Variants in ZMAT4 observed in about 807,000 individuals in gnomAD.
ZMAT4 encodes zinc finger matrin-type 4, also known as zinc finger matrin-type protein 4.
In ZMAT4, 17 loss-of-function variants were observed where a neutral mutation model predicts 28.7. The ratio of observed to expected loss-of-function variants is 0.59; its 90% CI spans 0.41 to 0.89. The LOEUF (loss-of-function observed/expected upper bound fraction) is 0.89. Ranked by LOEUF, ZMAT4 falls within the 40% of genes least tolerant of loss-of-function variation. The pLI, the probability that ZMAT4 is intolerant of heterozygous loss-of-function variation, is 0.00. For missense variants in ZMAT4, 240 were observed against 283.8 expected (o/e 0.85, Z 1.11); for synonymous variants, 117 against 109.2 (o/e 1.07, Z -0.44).
chr8:40,674,542 G>T, intron 5 of ZMAT4, 162 bp downstream of exon 5: 1 of 592,740 alleles, frequency 1.7e-6, no homozygotes, highest in Non-Finnish European at 3.0e-6. Flanking sequence ...TTAAACTAAA[G>T]CAAGCCTTCT....
At chr8:40,671,010 G>A (rs1280576111) in intron 5 of ZMAT4, among the ~76,000 whole-genome samples, 2 of 150,816 alleles carry the variant, frequency 1.3e-5, no homozygotes, top group Non-Finnish European at 1.5e-5. Context: ...AGAGGTTGCA[G>A]TGAGCTGAGA....
At chr8:40,895,232 T>C (rs1467376808) in intron 1 of ZMAT4, among the ~76,000 whole-genome samples, 1 of 152,258 alleles carries the variant, frequency 6.6e-6, no homozygotes, top group African/African-American at 2.4e-5. Context: ...TCCAGGGTCC[T>C]GGCCAAAGCC....
chr8:40,806,086 G>A (rs1815074683), intron 2 of ZMAT4, among the ~76,000 whole-genome samples: 1 of 151,972 alleles, frequency 6.6e-6, no homozygotes, highest in Admixed American at 6.6e-5. Flanking sequence ...CTTTATACCT[G>A]GTAAAATACG....
chr8:40,753,089 C>T (rs1240150797), intron 3 of ZMAT4, among the ~76,000 whole-genome samples: 4 of 148,488 alleles, frequency 2.7e-5, no homozygotes, highest in Admixed American at 6.7e-5. Context: ...GTGTGACTTT[C>T]CCCTCCCTGT....
chr8:40,758,928 A>G (rs2150553776), intron 3 of ZMAT4, among the ~76,000 whole-genome samples: 1 of 152,328 alleles, frequency 6.6e-6, no homozygotes, highest in Admixed American at 6.5e-5. Flanking sequence ...GAGAAAAGAA[A>G]CATGCATAAC....
At chr8:40,732,650 C>T (rs911382035) in intron 3 of ZMAT4, among the ~76,000 whole-genome samples, 1 of 152,118 alleles carries the variant, frequency 6.6e-6, no homozygotes, top group African/African-American at 2.4e-5. Flanking sequence ...TCCATGAGGG[C>T]AGGATAAGCC....
intron 3 of ZMAT4, among the ~76,000 whole-genome samples, chr8:40,725,699 G>A (rs34126419): frequency 0.11 from 17,387 of 151,994 alleles, 1,064 homozygotes; most frequent in Middle Eastern, 0.21. Context: ...TGAACCTGGG[G>A]GGCAGAGGTT....
chr8:40,810,085 CAT>C (rs1208476255), intron 2 of ZMAT4, among the ~76,000 whole-genome samples: 1 of 152,002 alleles, frequency 6.6e-6, no homozygotes, highest in Non-Finnish European at 1.5e-5. Context: ...TATACACACA[CAT>C]GCACAAACAT....
At chr8:40,775,978 G>A (rs985076758) in intron 2 of ZMAT4, among the ~76,000 whole-genome samples, 6 of 152,184 alleles carry the variant, frequency 3.9e-5, no homozygotes, top group South Asian at 2.1e-4. Flanking sequence ...CTGTCTACAC[G>A]CCAGGAGAGA....
intron 5 of ZMAT4, among the ~76,000 whole-genome samples, chr8:40,588,698 G>C (rs1352674444): frequency 2.6e-5 from 4 of 151,956 alleles, no homozygotes; most frequent in African/African-American, 9.7e-5. Context: ...CAAATAATTT[G>C]GAAAATGGAT....
chr8:40,666,030 T>C (rs1808400704), intron 5 of ZMAT4, among the ~76,000 whole-genome samples: 1 of 152,202 alleles, frequency 6.6e-6, no homozygotes, highest in African/African-American at 2.4e-5. Context: ...TGTGCATTTT[T>C]CCATCCTAAA....
chr8:40,544,479 G>C (rs1041894999), intron 6 of ZMAT4, among the ~76,000 whole-genome samples: 5 of 152,266 alleles, frequency 3.3e-5, no homozygotes, highest in Middle Eastern at 3.4e-3. Flanking sequence ...GTGTCTTACC[G>C]ATTGTCTCAA....
intron 2 of ZMAT4, among the ~76,000 whole-genome samples, chr8:40,822,618 G>C (rs547908993): frequency 2.0e-5 from 3 of 152,172 alleles, no homozygotes; most frequent in Non-Finnish European, 2.9e-5. Flanking sequence ...AAAAGAAAGT[G>C]CTGGAGAAAC....
chr8:40,645,456 T>C (rs1216340607), intron 5 of ZMAT4, among the ~76,000 whole-genome samples: 1 of 152,136 alleles, frequency 6.6e-6, no homozygotes, highest in Non-Finnish European at 1.5e-5. Context: ...TAAAACTAAA[T>C]AGAACACACA....
At chr8:40,598,735 A>G (rs967155249) in intron 5 of ZMAT4, among the ~76,000 whole-genome samples, 1 of 152,218 alleles carries the variant, frequency 6.6e-6, no homozygotes, top group African/African-American at 2.4e-5. Context: ...CTATGTCAAC[A>G]TGCATAAGAA....
chr8:40,634,175 G>A (rs994980746), intron 5 of ZMAT4, among the ~76,000 whole-genome samples: 2 of 152,140 alleles, frequency 1.3e-5, no homozygotes, highest in African/African-American at 4.8e-5. Flanking sequence ...AAAGGTATGG[G>A]CAAATTGGCA....
At chr8:40,697,174 G>T in intron 4 of ZMAT4, 71 bp downstream of exon 4, 1 of 1,460,292 alleles carries the variant, frequency 6.8e-7, no homozygotes, top group South Asian at 1.5e-5. Flanking sequence ...TCTGAAGGAG[G>T]AGCATGATCT....
In ZMAT4 at chr8:40,881,483, GA is replaced by G. The variant is rs1421244696; in HGVS notation, c.-5+16199del. On this transcript the variant is annotated intron_variant, in intron 1 of 6. Coordinates refer to ENST00000297737, the MANE Select transcript of ZMAT4 (RefSeq NM_024645.3). ...AGAAAGAAAGAAAGAAAGAAAGAAA[GA>G]AAGAAAGAAAGAAAGAGGAAGGAAG... Among the ~76,000 whole-genome samples, 25 of 136,364 alleles carry G rather than the reference GA, an allele frequency of 1.8e-4. 1 individual carries two copies. The highest frequency in any genetic ancestry group is 6.6e-4 in the African/African-American group (24 of 36,402). The allele number at this position is 136,364 out of a possible 152,430, so 89.5% of individuals were successfully genotyped here.
intron 2 of ZMAT4, among the ~76,000 whole-genome samples, chr8:40,820,463 G>T (rs1297630290): frequency 6.8e-6 from 1 of 147,440 alleles, no homozygotes; most frequent in Non-Finnish European, 1.5e-5. Context: ...GGTGTCTGGG[G>T]GTGTATGTGT....
Sources: allele counts gnomAD v4.1 joint callset (sites outside exome capture counted in the v4.1 genomes callset), GRCh38; gene constraint gnomAD v4.1.1; transcripts MANE v1.5; gene names NCBI Gene and HGNC (gene_info 2026-07-23, HGNC 2026-07-21).